The following ROCK2 variants were observed in gnomAD, a reference collection of about 807,000 sequenced individuals.
The protein encoded by ROCK2 is Rho associated coiled-coil containing protein kinase 2, also known as rho-associated protein kinase 2.
Under a neutral mutation model 195.1 loss-of-function variants are expected in ROCK2, and 61 were observed. The ratio of observed to expected loss-of-function variants is 0.31; its 90% CI spans 0.25 to 0.39. The LOEUF (loss-of-function observed/expected upper bound fraction) is 0.39, where lower values mean the gene tolerates loss of function less well. Among genes scored for constraint, ROCK2 ranks in the 10% least tolerant of loss-of-function variants. The pLI, the probability that ROCK2 is intolerant of heterozygous loss-of-function variation, is 1.00. For synonymous variants in ROCK2, 504 were observed against 545.5 expected, an observed-to-expected ratio of 0.92 and a Z score of 1.06; for missense variants, 1,109 against 1,637.4, an observed-to-expected ratio of 0.68 and a Z score of 5.57.
intron 7 of ROCK2, among the ~76,000 whole-genome samples, chr2:11,223,729 G>A (rs753330865): frequency 2.0e-5 from 3 of 152,006 alleles, no homozygotes; most frequent in Admixed American, 1.3e-4. Context: ...AATATAAAAC[G>A]GGACATTAGA....
intron 1 of ROCK2, among the ~76,000 whole-genome samples, chr2:11,297,788 G>A (rs1667582063): frequency 6.6e-6 from 1 of 152,118 alleles, no homozygotes; most frequent in Non-Finnish European, 1.5e-5. Context: ...AGGACACAGA[G>A]CTCTCTGAGT....
chr2:11,282,737 A>C (rs1265317628), intron 3 of ROCK2, among the ~76,000 whole-genome samples: 3 of 152,182 alleles, frequency 2.0e-5, no homozygotes, highest in African/African-American at 4.8e-5. Context: ...CAAGAAAGAA[A>C]GAACTGATAA....
intron 1 of ROCK2, among the ~76,000 whole-genome samples, chr2:11,292,135 C>T (rs765441244): frequency 6.6e-6 from 1 of 151,960 alleles, no homozygotes; most frequent in Admixed American, 6.6e-5. Context: ...TTTCTTAGTA[C>T]TACTATTTTA....
intron 1 of ROCK2, chr2:11,309,001 G>GAAA (rs1667949748): frequency 6.3e-7 from 1 of 1,595,676 alleles, no homozygotes. Flanking sequence ...AACCATCATA[G>GAAA]CTCTGTGTAG....
In ROCK2 at chr2:11,179,959, A is replaced by ACT. The variant is rs1662911829; in HGVS notation, c.*3476_*3477dup. 6.6e-6 allele frequency: 1 copy of ACT among 151,914 alleles called. No homozygotes were observed. Among genetic ancestry groups the ACT allele is most frequent in the African/African-American group, 2.4e-5 (1 of 41,294 alleles). The allele number at this position is 151,914 out of a possible 1,614,324, so 9.4% of individuals were successfully genotyped here. A position where few individuals can be genotyped will look rare whatever the true frequency, so the allele number is the denominator to read the frequency against. ...ATTACTTATTACAATTCCAAACAAA[A>ACT]CTCATTATTATGGGGATGGGAGTCA... On this transcript the variant is annotated 3_prime_UTR_variant, in exon 33 of 33. Coordinates refer to ENST00000315872, the MANE Select transcript of ROCK2 (RefSeq NM_004850.5).
chr2:11,293,329 G>T (rs1667418172), intron 1 of ROCK2, among the ~76,000 whole-genome samples: 1 of 152,180 alleles, frequency 6.6e-6, no homozygotes, highest in Non-Finnish European at 1.5e-5. Context: ...ATAAAATTGT[G>T]TGACCCTACA....
intron 1 of ROCK2, among the ~76,000 whole-genome samples, chr2:11,340,308 T>C (rs1249134940): frequency 6.6e-6 from 1 of 152,166 alleles, no homozygotes; most frequent in Non-Finnish European, 1.5e-5. Flanking sequence ...CCACAAGTAT[T>C]CTAATGTGAG....
intron 1 of ROCK2, among the ~76,000 whole-genome samples, chr2:11,315,275 G>A (rs1668155786): frequency 6.6e-6 from 1 of 151,966 alleles, no homozygotes; most frequent in Non-Finnish European, 1.5e-5. Flanking sequence ...CAACAACAAG[G>A]AATGGTTAAG....
chr2:11,337,800 A>AT (rs536041618), intron 1 of ROCK2, among the ~76,000 whole-genome samples: 10 of 149,078 alleles, frequency 6.7e-5, no homozygotes, highest in African/African-American at 1.7e-4. Context: ...CGCCTGGCTA[A>AT]TTTTTTTTTT....
intron 5 of ROCK2, among the ~76,000 whole-genome samples, chr2:11,231,071 T>TA (rs1298732080): frequency 2.6e-5 from 4 of 152,040 alleles, no homozygotes; most frequent in South Asian, 2.1e-4. Context: ...TACCTTTTTT[T>TA]AAAAAAATTA....
intron 2 of ROCK2, among the ~76,000 whole-genome samples, chr2:11,287,000 C>G (rs1182541833): frequency 6.6e-6 from 1 of 152,120 alleles, no homozygotes; most frequent in Non-Finnish European, 1.5e-5. Context: ...ACTTGCAAGG[C>G]TAATCTTAGT....
chr2:11,237,384 C>T lies in ROCK2; in HGVS notation c.463-1422G>A, dbSNP rs115330217. ...CAGAGCAATGTCAGAAAAGCACCAACGTCTACCTAAAAGTAGTTCTAGAGA... is the reference window on the plus strand; with the variant it reads ...CAGAGCAATGTCAGAAAAGCACCAATGTCTACCTAAAAGTAGTTCTAGAGA... On this transcript the variant is annotated intron_variant, in intron 4 of 32. Transcript: ENST00000315872. 8.9e-3 allele frequency among the ~76,000 whole-genome samples: 1,359 copies of T among 152,242 alleles called. 16 individuals are homozygous for T. The highest frequency in any genetic ancestry group is 0.031 in the African/African-American group (1,280 of 41,532).
intron 3 of ROCK2, among the ~76,000 whole-genome samples, chr2:11,267,679 T>C (rs2148158396): frequency 6.6e-6 from 1 of 150,422 alleles, no homozygotes; most frequent in South Asian, 2.1e-4. Context: ...CCATACCCCT[T>C]GAGTATATCC....
intron 1 of ROCK2, among the ~76,000 whole-genome samples, chr2:11,323,898 A>T (rs1052244487): frequency 6.6e-6 from 1 of 152,178 alleles, no homozygotes; most frequent in Non-Finnish European, 1.5e-5. Flanking sequence ...GGTACTGCAC[A>T]TCCCATGGGT....
chr2:11,245,605 C>T (rs540095897), intron 4 of ROCK2, among the ~76,000 whole-genome samples: 1 of 152,274 alleles, frequency 6.6e-6, no homozygotes, highest in Admixed American at 6.5e-5. Flanking sequence ...TAAAGAAAAA[C>T]TCACACATGT....
chr2:11,209,519 C>T (rs1664177263), intron 18 of ROCK2, among the ~76,000 whole-genome samples: 2 of 152,154 alleles, frequency 1.3e-5, no homozygotes, highest in African/African-American at 4.8e-5. Flanking sequence ...AAATAGTATC[C>T]TAACTCATAG....
intron 1 of ROCK2, among the ~76,000 whole-genome samples, chr2:11,311,855 A>C (rs1668046274): frequency 6.6e-6 from 1 of 152,238 alleles, no homozygotes; most frequent in Non-Finnish European, 1.5e-5. Context: ...TGAGATATCA[A>C]GACGGGGGAT....
At chr2:11,301,302 A>G (rs1667694029) in intron 1 of ROCK2, among the ~76,000 whole-genome samples, 1 of 151,940 alleles carries the variant, frequency 6.6e-6, no homozygotes, top group Non-Finnish European at 1.5e-5. Flanking sequence ...ATGGGATACA[A>G]GATTAAAACT....
intron 1 of ROCK2, among the ~76,000 whole-genome samples, chr2:11,333,646 G>C (rs767995200): frequency 6.6e-6 from 1 of 152,128 alleles, no homozygotes; most frequent in African/African-American, 2.4e-5. Flanking sequence ...TGACACACTT[G>C]ATTCCTGTCA....
Sources: allele counts gnomAD v4.1 joint callset (sites outside exome capture counted in the v4.1 genomes callset), GRCh38; gene constraint gnomAD v4.1.1; transcripts MANE v1.5; gene names NCBI Gene and HGNC (gene_info 2026-07-23, HGNC 2026-07-21).